LRIG1: variants seen among roughly 807,000 people sequenced by gnomAD.
The protein encoded by LRIG1 is leucine-rich repeats and immunoglobulin-like domains protein 1.
A neutral mutation model predicts 99.2 loss-of-function variants in LRIG1; 48 were observed. The ratio of observed to expected loss-of-function variants is 0.48; its 90% CI spans 0.38 to 0.62. LRIG1 has a LOEUF of 0.62. Among genes scored for constraint, LRIG1 ranks in the 20% least tolerant of loss-of-function variants. LRIG1 has a pLI of 0.00. For synonymous variants in LRIG1, 772 were observed against 596.1 expected (o/e 1.29, Z -4.30); for missense variants, 1,646 against 1,434.4 (o/e 1.15, Z -2.38).
rs1700886350 is a variant in LRIG1, at chr3:66,379,282, T to C, written c.*981A>G. 6.6e-6 allele frequency: 1 copy of C among 152,654 alleles called. No homozygotes were observed. Among genetic ancestry groups the C allele is most frequent in the African/African-American group, 2.4e-5 (1 of 41,466 alleles). 9.5% of individuals were successfully genotyped at this position (152,654 alleles called of 1,614,324 possible). A position where few individuals can be genotyped will look rare whatever the true frequency, so the allele number is the denominator to read the frequency against. ...TGCGAAGGAATGGCATGGACAGGCC[T>C]GCTCTGGGTCCTTAGTAGAAATAAG... On this transcript the variant is annotated 3_prime_UTR_variant, in exon 19 of 19. Transcript: ENST00000273261.
At chr3:66,388,940 G>A (rs956366851) in intron 12 of LRIG1, among the ~76,000 whole-genome samples, 4 of 152,042 alleles carry the variant, frequency 2.6e-5, no homozygotes, top group Admixed American at 2.6e-4. Flanking sequence ...TCCCATTAAA[G>A]GTAACTACAC....
At chr3:66,446,359 C>T (rs1041366331) in intron 3 of LRIG1, among the ~76,000 whole-genome samples, 4 of 150,420 alleles carry the variant, frequency 2.7e-5, no homozygotes, top group Non-Finnish European at 5.9e-5. Context: ...CCAGAAATTA[C>T]AACAGAGGGC....
At chr3:66,420,350 G>A (rs1191726461) in intron 3 of LRIG1, among the ~76,000 whole-genome samples, 1 of 152,214 alleles carries the variant, frequency 6.6e-6, no homozygotes, top group Non-Finnish European at 1.5e-5. Flanking sequence ...GTGAAACCCT[G>A]TATGCCAGTG....
chr3:66,473,575 T>C (rs1413485197), intron 1 of LRIG1, among the ~76,000 whole-genome samples: 4 of 152,220 alleles, frequency 2.6e-5, no homozygotes, highest in African/African-American at 7.2e-5. Context: ...CCTTCCAATA[T>C]TATTTTCTAG....
rs1553709548 is a variant in LRIG1, at chr3:66,380,236, T to TATGACAAGAACTGA, written c.*13_*26dup. The TATGACAAGAACTGA allele has an allele frequency of 6.3e-7, 1 of 1,576,922 alleles. No homozygotes were observed. The highest frequency in any genetic ancestry group is 8.7e-7 in the Non-Finnish European group (1 of 1,155,824). ...TACCTCTCTTTCCCGTAGAGATTGG[T>TATGACAAGAACTGA]ATGACAAGAACTGAGGTAGACAAAA... On this transcript the variant is annotated 3_prime_UTR_variant, in exon 19 of 19. Coordinates refer to ENST00000273261, the MANE Select transcript of LRIG1 (RefSeq NM_015541.3).
chr3:66,427,001 A>G (rs73833491), intron 3 of LRIG1, among the ~76,000 whole-genome samples: 175 of 152,348 alleles, frequency 1.1e-3, no homozygotes, highest in African/African-American at 3.8e-3. Flanking sequence ...CGAAATCCAC[A>G]TAATAGCTCT....
At chr3:66,495,802 T>G (rs1701213389) in intron 1 of LRIG1, among the ~76,000 whole-genome samples, 1 of 152,228 alleles carries the variant, frequency 6.6e-6, no homozygotes, top group South Asian at 2.1e-4. Context: ...TGCTCTCTCC[T>G]GCATTCCTGT....
At position 66,381,473 on chromosome 3, in the gene LRIG1, T is replaced by G. The variant is rs763369146; in HGVS notation, c.2770+6A>C. On this transcript the variant is annotated splice_donor_region_variant and intron_variant, in intron 17 of 18. Transcript: ENST00000273261. ...GAAACTACTTCCAATGGGAAGCATCTCATACCCATCTTATGTGGCCCAGGT... is the reference window on the plus strand; with the variant it reads ...GAAACTACTTCCAATGGGAAGCATCGCATACCCATCTTATGTGGCCCAGGT... The G allele has an allele frequency of 1.1e-5, 17 of 1,611,742 alleles. No homozygotes were observed. Among genetic ancestry groups the G allele is most frequent in the African/African-American group, 1.3e-5 (1 of 74,880 alleles).
chr3:66,434,160 G>A (rs1703264839), intron 3 of LRIG1, among the ~76,000 whole-genome samples: 1 of 152,192 alleles, frequency 6.6e-6, no homozygotes, highest in African/African-American at 2.4e-5. Context: ...GCTACAGATT[G>A]AGAGAAAGTA....
intron 3 of LRIG1, among the ~76,000 whole-genome samples, chr3:66,446,294 TC>T (rs1478213351): frequency 5.9e-5 from 9 of 151,464 alleles, no homozygotes; most frequent in Admixed American, 2.0e-4. Context: ...GGTGACCACC[TC>T]CCCGCTTGGT....
chr3:66,394,614 G>A (rs965973211), intron 11 of LRIG1, among the ~76,000 whole-genome samples: 3 of 152,100 alleles, frequency 2.0e-5, no homozygotes, highest in Non-Finnish European at 4.4e-5. Context: ...ACAGTGCTAT[G>A]CTGCCACCAT....
At chr3:66,495,581 T>C (rs1162352787) in intron 1 of LRIG1, among the ~76,000 whole-genome samples, 1 of 152,252 alleles carries the variant, frequency 6.6e-6, no homozygotes, top group Non-Finnish European at 1.5e-5. Context: ...AGAAAGACTC[T>C]GATACAACCA....
chr3:66,405,432 G>A (rs1279405744), intron 8 of LRIG1, among the ~76,000 whole-genome samples, 154 bp from the exon 9 acceptor site: 3 of 152,186 alleles, frequency 2.0e-5, no homozygotes, highest in African/African-American at 7.2e-5. Flanking sequence ...CGTGGCCCTG[G>A]GAGGGAAGCC....
chr3:66,381,622 G>A lies in LRIG1; in HGVS notation c.2627C>T (p.Pro876Leu), dbSNP rs188819385. ...NGHIESNGVC[P>L]RDASHFPEPD... Reference sequence around the variant, plus strand: ...CTCTGGAAAGTGGCTTGCATCTCTTGGACACACACCTGCAAGTGGATTCCA... The same window carrying A: ...CTCTGGAAAGTGGCTTGCATCTCTTAGACACACACCTGCAAGTGGATTCCA... Residue 876 changes from proline (P) to leucine (L), a missense_variant, in exon 17 of 19, where the codon CCA becomes CTA. Physicochemically the swap from Pro to Leu is moderately conservative, Grantham distance 98. Coordinates refer to ENST00000273261, the MANE Select transcript of LRIG1 (RefSeq NM_015541.3). 1.3e-4 allele frequency: 203 copies of A among 1,613,416 alleles called. 4 individuals are homozygous for A. The Admixed American group carries it at 3.3e-3, about 26-fold the overall frequency.
chr3:66,394,251 G>T, intron 11 of LRIG1, 48 bp from the exon 12 acceptor site: 3 of 1,490,068 alleles, frequency 2.0e-6, no homozygotes, highest in Non-Finnish European at 2.7e-6. Flanking sequence ...CGCAAAGGAG[G>T]GACACTCCCT....
chr3:66,472,505 A>C (rs909059016), intron 1 of LRIG1, among the ~76,000 whole-genome samples: 1 of 152,040 alleles, frequency 6.6e-6, no homozygotes, highest in African/African-American at 2.4e-5. Context: ...CTTAACGGTG[A>C]GTGATTTTAC....
In LRIG1 at chr3:66,481,520, T is replaced by TACAC. The variant is rs35420784; in HGVS notation, c.218+18666_218+18669dup. On this transcript the variant is annotated intron_variant, in intron 1 of 18. Transcript: ENST00000273261. ...AGATGCACAGACCGGAGGGTTTATGTACACACACACACACACACACGTGTA... is the reference window on the plus strand; with the variant it reads ...AGATGCACAGACCGGAGGGTTTATGTACACACACACACACACACACACACGTGTA... Among the ~76,000 whole-genome samples the TACAC allele has an allele frequency of 2.9e-4, 44 of 150,062 alleles. 1 individual carries two copies. Among genetic ancestry groups the TACAC allele is most frequent in the South Asian group, 6.3e-4 (3 of 4,756 alleles).
chr3:66,468,344 G>T (rs1217614297), intron 1 of LRIG1, among the ~76,000 whole-genome samples: 2 of 152,168 alleles, frequency 1.3e-5, no homozygotes. Flanking sequence ...CTGTGAAGAG[G>T]AGCGCAACCC....
intron 1 of LRIG1, among the ~76,000 whole-genome samples, chr3:66,476,088 G>A (rs1404971511): frequency 6.6e-6 from 1 of 152,280 alleles, no homozygotes; most frequent in East Asian, 1.9e-4. Context: ...TATATCAAAT[G>A]GCATTGCAAC....
Sources: allele counts gnomAD v4.1 joint callset (sites outside exome capture counted in the v4.1 genomes callset), GRCh38; gene constraint gnomAD v4.1.1; transcripts MANE v1.5; gene names NCBI Gene and HGNC (gene_info 2026-07-23, HGNC 2026-07-21).